Variants in NAV3 observed in about 807,000 individuals in gnomAD.
NAV3 encodes neuron navigator 3.
In NAV3, 87 loss-of-function variants were observed where a neutral mutation model predicts 244.7. That is an observed-to-expected ratio of 0.36 (90% CI 0.30 to 0.42). NAV3 has a LOEUF of 0.42. NAV3 is among the 20% of genes least tolerant of loss of function. NAV3 has a pLI of 1.00. For missense variants in NAV3, 2,663 were observed against 2,893.3 expected, an observed-to-expected ratio of 0.92 and a Z score of 1.83; for synonymous variants, 1,126 against 1,042.2, an observed-to-expected ratio of 1.08 and a Z score of -1.55.
rs768458532 is a variant in NAV3 at position 78,118,132 on chromosome 12, G to A, written c.2875G>A (p.Gly959Ser). The A allele has an allele frequency of 1.1e-5, 18 of 1,613,932 alleles. No homozygotes were observed. The highest frequency in any genetic ancestry group is 1.7e-5 in the Admixed American group (1 of 59,998). Residue 959 changes from glycine (G) to serine (S), a missense_variant, in exon 14 of 40, where the codon GGC (glycine) becomes AGC (serine). Gly to Ser is a moderately conservative substitution (Grantham distance 56). Transcript: ENST00000397909. ...TTTTGACAGCCATGGGGATGCTGGT[G>A]GCAAGTGGAAGACTGTGTCCTCTGG... ...EDFDSHGDAGGKWKTVSSGLP... is the reference protein window; with the variant it reads ...EDFDSHGDAGSKWKTVSSGLP...
chr12:77,749,623 T>G (rs1868736634), intron 2 of NAV3, among the ~76,000 whole-genome samples: 1 of 152,208 alleles, frequency 6.6e-6, no homozygotes, highest in South Asian at 2.1e-4. Context: ...CTTTTTTTAA[T>G]GTCTATAAGT....
chr12:78,177,031 A>G, intron 26 of NAV3, 110 bp from the exon 27 acceptor site: 1 of 1,000,484 alleles, frequency 1.0e-6, no homozygotes, highest in South Asian at 1.4e-5. Flanking sequence ...CTCTGCTTGT[A>G]CATACTGACC....
rs1439688516 is a variant in NAV3 at position 77,916,249 on chromosome 12, CTATT to C, written c.244-24065_244-24062del. ...GTTTTAAATAACAAAACAAAAGGAA[CTATT>C]TATTATTTGAAAGACATTGGAAAAT... On this transcript the variant is annotated intron_variant, in intron 1 of 39. Coordinates refer to ENST00000397909, the MANE Select transcript of NAV3 (RefSeq NM_001024383.2). 2.0e-5 allele frequency among the ~76,000 whole-genome samples: 3 copies of C among 152,034 alleles called. No homozygotes were observed. The South Asian group carries it at 6.2e-4, about 32-fold the overall frequency.
intron 2 of NAV3, among the ~76,000 whole-genome samples, chr12:77,716,192 TA>T (rs1383485032): frequency 1.3e-5 from 2 of 152,006 alleles, no homozygotes; most frequent in African/African-American, 4.8e-5. Context: ...GAGTTTAAAT[TA>T]AATGTCATGA....
intron 23 of NAV3, among the ~76,000 whole-genome samples, 192 bp from the exon 24 acceptor site, chr12:78,168,563 A>AACAC (rs1957875362): frequency 6.6e-6 from 1 of 151,806 alleles, no homozygotes; most frequent in South Asian, 2.1e-4. Flanking sequence ...CAAACAAACA[A>AACAC]ACAAAAAACC....
chr12:77,850,851 C>T (rs537970156), intron 1 of NAV3, among the ~76,000 whole-genome samples: 1 of 152,204 alleles, frequency 6.6e-6, no homozygotes, highest in African/African-American at 2.4e-5. Context: ...CCCCATCCAG[C>T]CTGGTCACTG....
At chr12:77,648,205 A>G (rs983886022) in intron 2 of NAV3, among the ~76,000 whole-genome samples, 1 of 152,094 alleles carries the variant, frequency 6.6e-6, no homozygotes, top group African/African-American at 2.4e-5. Context: ...AGAGCCAAGA[A>G]CCTGCTGGAA....
At chr12:77,958,276 G>T (rs995289651) in intron 3 of NAV3, among the ~76,000 whole-genome samples, 6 of 152,106 alleles carry the variant, frequency 3.9e-5, no homozygotes, top group African/African-American at 7.2e-5. Context: ...ATAATTCAGT[G>T]CTCTTTAGAA....
chr12:77,574,229 C>T (rs997691916), intron 2 of NAV3, among the ~76,000 whole-genome samples: 8 of 152,068 alleles, frequency 5.3e-5, no homozygotes, highest in African/African-American at 1.4e-4. Context: ...TTGGCTCCTT[C>T]GCTGGTGTGG....
intron 2 of NAV3, among the ~76,000 whole-genome samples, chr12:77,734,177 T>G (rs1347223959): frequency 2.6e-5 from 4 of 152,048 alleles, no homozygotes; most frequent in Non-Finnish European, 5.9e-5. Context: ...AGGATAAAAG[T>G]ATAGGTTGGT....
At chr12:78,206,854 C>CTTTTTTTTTTTTTTTTTTTTTTTTTT (rs10594185) in intron 39 of NAV3, among the ~76,000 whole-genome samples, 6 of 114,840 alleles carry the variant, frequency 5.2e-5, no homozygotes, top group Non-Finnish European at 8.8e-5. Context: ...TTCTTTCTTA[C>CTTTTTTTTTTTTTTTTTTTTTTTTTT]TTTTTTTTTT....
intron 2 of NAV3, among the ~76,000 whole-genome samples, chr12:77,621,909 A>G (rs1565740736): frequency 1.3e-5 from 2 of 152,322 alleles, no homozygotes; most frequent in Non-Finnish European, 2.9e-5. Flanking sequence ...TTATCATTTG[A>G]TATCTTAGAA....
intron 5 of NAV3, among the ~76,000 whole-genome samples, chr12:77,985,851 A>G (rs1001271042): frequency 6.6e-6 from 1 of 151,988 alleles, no homozygotes; most frequent in African/African-American, 2.4e-5. Context: ...ATGATTTCCT[A>G]TTTGATCTGT....
Position 77,797,545 on chromosome 12 carries a change from TTTTTA to T in NAV3, c.73-142773_73-142769del, listed in dbSNP as rs1871478531. ...AAAAGTTTTTTTTTTTTTTTTTTTTTTTTTAAAGTAGCTTAGGCCGGGCGTGGTGG... is the reference window on the plus strand; with the variant it reads ...AAAAGTTTTTTTTTTTTTTTTTTTTTAAGTAGCTTAGGCCGGGCGTGGTGG... On this transcript the variant is annotated intron_variant, in intron 2 of 8. Coordinates refer to the NAV3 transcript ENST00000550042. 6.0e-5 allele frequency among the ~76,000 whole-genome samples: 9 copies of T among 149,820 alleles called. No homozygotes were observed. The South Asian group carries it at 1.9e-3, about 32-fold the overall frequency.
At position 77,628,879 on chromosome 12, in the gene NAV3, C is replaced by A. The variant is rs989832018; in HGVS notation, c.72+56613C>A. Among the ~76,000 whole-genome samples, 3 of 141,394 alleles carry A rather than the reference C, an allele frequency of 2.1e-5. No homozygotes were observed. In the Admixed American group the frequency reaches 2.2e-4, roughly 10 times the overall value. 92.8% of individuals were successfully genotyped at this position (141,394 alleles called of 152,430 possible). A position where few individuals can be genotyped will look rare whatever the true frequency, so the allele number is the denominator to read the frequency against. On this transcript the variant is annotated intron_variant, in intron 2 of 8. Transcript: ENST00000550042. ...ACTGCAGTCCACAGTCCAGCCTGGGCGATGGGAGTGAGACCCTGTCTCCAA... is the reference window on the plus strand; with the variant it reads ...ACTGCAGTCCACAGTCCAGCCTGGGAGATGGGAGTGAGACCCTGTCTCCAA...
Position 78,006,873 on chromosome 12 carries a change from G to C in NAV3, c.1335G>C (p.Lys445Asn), listed in dbSNP as rs1566011945. Residue 445 changes from lysine to asparagine, a missense_variant, in exon 8 of 40, where the codon AAG becomes AAC. Coordinates refer to ENST00000397909, the MANE Select transcript of NAV3 (RefSeq NM_001024383.2). ...STNSSPKVSP[K>N]LAPPKAGSKN... ...ATAGCAGTCCCAAAGTGTCACCTAA[G>C]TTGGCCCCTCCAAAAGCTGGAAGCA... is the stretch of plus-strand genomic sequence containing the variant. 6.2e-7 allele frequency: 1 copy of C among 1,614,104 alleles called. No homozygotes were observed. Among genetic ancestry groups the C allele is most frequent in the Non-Finnish European group, 8.5e-7 (1 of 1,180,024 alleles).
chr12:77,573,619 A>G (rs139758965), intron 2 of NAV3, among the ~76,000 whole-genome samples: 349 of 152,284 alleles, frequency 2.3e-3, no homozygotes, highest in Admixed American at 5.5e-3. Flanking sequence ...GTAAATTTCA[A>G]TCTAAAGCAT....
At chr12:77,947,014 G>A (rs1890412369) in intron 3 of NAV3, among the ~76,000 whole-genome samples, 1 of 152,056 alleles carries the variant, frequency 6.6e-6, no homozygotes, top group Admixed American at 6.6e-5. Context: ...TCTTGGCTCT[G>A]TTTTGTCGTA....
At chr12:78,085,657 C>A (rs141512705) in intron 12 of NAV3, among the ~76,000 whole-genome samples, 1 of 151,930 alleles carries the variant, frequency 6.6e-6, no homozygotes, top group Non-Finnish European at 1.5e-5. Flanking sequence ...AAACATATTG[C>A]GTGTGGGCTG....
Sources: allele counts gnomAD v4.1 joint callset (sites outside exome capture counted in the v4.1 genomes callset), GRCh38; gene constraint gnomAD v4.1.1; transcripts MANE v1.5; gene names NCBI Gene and HGNC (gene_info 2026-07-23, HGNC 2026-07-21).